The following C1orf87 variants were observed in gnomAD, a reference collection of about 807,000 sequenced individuals.
C1orf87 encodes uncharacterized protein C1orf87.
In C1orf87, 58 loss-of-function variants were observed where a neutral mutation model predicts 60.5. That is an observed-to-expected ratio of 0.96 (90% CI 0.78 to 1.19). C1orf87 has a LOEUF of 1.19. Ranked by LOEUF, C1orf87 falls within the 50% of genes most tolerant of loss-of-function variation. The probability of loss-of-function intolerance (pLI) is 0.00; values close to 1 mark genes in which losing one functional copy is unlikely to be tolerated. For missense variants in C1orf87, 673 were observed against 638.6 expected (o/e 1.05, Z -0.58); for synonymous variants, 236 against 227.4 (o/e 1.04, Z -0.34).
chr1:60,064,919 ATT>A (rs2100331732), intron 2 of C1orf87, among the ~76,000 whole-genome samples: 1 of 94,218 alleles, frequency 1.1e-5, no homozygotes, highest in South Asian at 3.0e-4. Flanking sequence ...AATATTTTAT[ATT>A]ATATAATATA....
intron 8 of C1orf87, among the ~76,000 whole-genome samples, chr1:60,011,733 C>A (rs1382643262): frequency 6.6e-6 from 1 of 152,018 alleles, no homozygotes; most frequent in East Asian, 1.9e-4. Context: ...ACTTTATTAT[C>A]TTTAAATAAA....
Position 60,038,093 on chromosome 1 carries a change from C to A in C1orf87, c.762G>T (p.Lys254Asn). The change falls in exon 6 of 12, where the codon AAG (lysine) becomes AAT (asparagine). Residue 254 changes from lysine (K) to asparagine (N), a missense_variant. By Grantham distance (94) the Lys-to-Asn change is moderately conservative (BLOSUM62 0). Transcript: ENST00000371201. ...RGSPEMVNYE[K>N]LLWFLNSAAS... is the part of the protein sequence containing the mutation. ...CTGCACTGTTTAAAAACCAGAGTAG[C>A]TTTTCATAATTCACCTGAAAATTAA... 6.5e-7 allele frequency: 1 copy of A among 1,547,356 alleles called. No individual in the cohort carries two copies. Among genetic ancestry groups the A allele is most frequent in the Non-Finnish European group, 8.8e-7 (1 of 1,132,092 alleles).
At chr1:60,005,491 A>G (rs1255413112) in intron 9 of C1orf87, among the ~76,000 whole-genome samples, 1 of 152,104 alleles carries the variant, frequency 6.6e-6, no homozygotes, top group Non-Finnish European at 1.5e-5. Context: ...GCCATTTTAG[A>G]TAGATAATTC....
At chr1:60,060,160 C>G (rs1286581522) in intron 2 of C1orf87, among the ~76,000 whole-genome samples, 1 of 149,014 alleles carries the variant, frequency 6.7e-6, no homozygotes, top group Non-Finnish European at 1.5e-5. Context: ...TCGAAAAGAT[C>G]AAAAAAATAT....
chr1:60,058,940 C>T (rs1439869348), intron 2 of C1orf87, among the ~76,000 whole-genome samples: 2 of 152,188 alleles, frequency 1.3e-5, no homozygotes, highest in South Asian at 4.1e-4. Context: ...TTGCTTTAAT[C>T]ACCTTTGAAA....
intron 6 of C1orf87, among the ~76,000 whole-genome samples, chr1:60,035,734 T>C (rs1369159152): frequency 6.6e-6 from 1 of 152,206 alleles, no homozygotes; most frequent in Non-Finnish European, 1.5e-5. Flanking sequence ...CTTTAGAAAA[T>C]TGGAGGTGCC....
At chr1:60,007,959 A>C (rs183481190) in intron 9 of C1orf87, among the ~76,000 whole-genome samples, 1 of 152,024 alleles carries the variant, frequency 6.6e-6, no homozygotes, top group African/African-American at 2.4e-5. Context: ...AAGTTTCTGT[A>C]TAATGCCCCT....
In C1orf87 at chr1:60,020,823, A is replaced by G. The variant is rs373448267; in HGVS notation, c.1127+4578T>C. On this transcript the variant is annotated intron_variant, in intron 8 of 11. Coordinates refer to ENST00000371201, the MANE Select transcript of C1orf87 (RefSeq NM_152377.3). ...AAGGCATGATTGGTTTAGAAACATA[A>G]AAAGAACATGAGATTTGGGAGGACC... Among the ~76,000 whole-genome samples, 16 of 152,294 alleles carry G rather than the reference A, an allele frequency of 1.1e-4. No homozygotes were observed. In the East Asian group the frequency reaches 2.9e-3, roughly 28 times the overall value.
At chr1:59,990,940 T>C (rs1644917761) in intron 11 of C1orf87, 107 bp from the exon 12 acceptor site, 1 of 1,120,666 alleles carries the variant, frequency 8.9e-7, no homozygotes, top group African/African-American at 1.6e-5. Flanking sequence ...TAAATGCTAA[T>C]ACTTTGCAAT....
At chr1:60,032,121 C>T (rs1273746448) in intron 7 of C1orf87, among the ~76,000 whole-genome samples, 1 of 152,180 alleles carries the variant, frequency 6.6e-6, no homozygotes, top group Non-Finnish European at 1.5e-5. Context: ...CATGTCCTTG[C>T]TCCTTAGTAA....
At chr1:60,028,920 A>G (rs1321683835) in intron 7 of C1orf87, among the ~76,000 whole-genome samples, 1 of 151,970 alleles carries the variant, frequency 6.6e-6, no homozygotes. Flanking sequence ...CTACTCCTTA[A>G]CAATGAGTGC....
chr1:60,001,181 A>C (rs1315327748), intron 9 of C1orf87, 25 bp from the exon 10 acceptor site: 1 of 1,441,576 alleles, frequency 6.9e-7, no homozygotes, highest in Non-Finnish European at 9.4e-7. Flanking sequence ...AAAAAAAAAA[A>C]GGAAGGGTTT....
At chr1:60,042,300 T>A (rs1423205635) in intron 3 of C1orf87, among the ~76,000 whole-genome samples, 1 of 152,140 alleles carries the variant, frequency 6.6e-6, no homozygotes, top group African/African-American at 2.4e-5. Flanking sequence ...AGTGGCAAGA[T>A]CTCGGCTCAC....
intron 8 of C1orf87, among the ~76,000 whole-genome samples, chr1:60,014,866 C>T (rs982887866): frequency 6.6e-6 from 1 of 152,170 alleles, no homozygotes; most frequent in Non-Finnish European, 1.5e-5. Context: ...TCCTACAAAT[C>T]CCACCAAGCT....
At chr1:60,045,846 G>C (rs569018393) in intron 3 of C1orf87, among the ~76,000 whole-genome samples, 1 of 152,258 alleles carries the variant, frequency 6.6e-6, no homozygotes, top group East Asian at 1.9e-4. Flanking sequence ...GCTGAAGTTT[G>C]AGAACCACTG....
chr1:60,012,205 C>A (rs2100259206), intron 8 of C1orf87, among the ~76,000 whole-genome samples: 1 of 151,134 alleles, frequency 6.6e-6, no homozygotes, highest in African/African-American at 2.4e-5. Context: ...ACAACAACAA[C>A]AACAACAAAA....
chr1:59,997,583 T>G, intron 11 of C1orf87, 26 bp downstream of exon 11: 1 of 1,610,890 alleles, frequency 6.2e-7, no homozygotes, highest in Non-Finnish European at 8.5e-7. Flanking sequence ...TAGAAACCTA[T>G]GCCAGCTTTA....
chr1:59,992,715 A>G (rs1291298191), intron 11 of C1orf87, among the ~76,000 whole-genome samples: 1 of 152,302 alleles, frequency 6.6e-6, no homozygotes, highest in South Asian at 2.1e-4. Context: ...GATACCAAAT[A>G]TTACTCATTT....
At chr1:60,061,844 G>A (rs893809712) in intron 2 of C1orf87, among the ~76,000 whole-genome samples, 7 of 148,532 alleles carry the variant, frequency 4.7e-5, no homozygotes, top group South Asian at 2.1e-4. Context: ...CCAGCTACTT[G>A]GGAAGCTGAG....
Sources: gnomAD v4.1 joint callset for allele counts (sites outside exome capture counted in the v4.1 genomes callset) on GRCh38, gnomAD v4.1.1 for gene constraint, MANE v1.5 for transcripts, NCBI Gene and HGNC (gene_info 2026-07-23, HGNC 2026-07-21) for gene names.